Variants in TRPM2 observed in about 807,000 individuals in gnomAD.
The protein encoded by TRPM2 is estrogen-responsive element-associated gene 1 protein.
In TRPM2, 161 loss-of-function variants were observed where a neutral mutation model predicts 174.0. The ratio of observed to expected loss-of-function variants is 0.93; its 90% CI spans 0.81 to 1.05. The LOEUF (loss-of-function observed/expected upper bound fraction) is 1.05. Ranked by LOEUF, TRPM2 falls within the 50% of genes least tolerant of loss-of-function variation. The pLI is 0.00. For synonymous variants in TRPM2, 954 were observed against 861.3 expected, an observed-to-expected ratio of 1.11 and a Z score of -1.88; for missense variants, 2,057 against 2,038.0, an observed-to-expected ratio of 1.01 and a Z score of -0.18.
chr21:44,419,088 G>A (rs1308613783), intron 22 of TRPM2, among the ~76,000 whole-genome samples: 2 of 152,218 alleles, frequency 1.3e-5, no homozygotes, highest in African/African-American at 4.8e-5. Context: ...CAGGCCTTCC[G>A]CCCTGCTAGG....
At chr21:44,422,600 T>A (rs1368068744) in intron 22 of TRPM2, among the ~76,000 whole-genome samples, 1 of 152,190 alleles carries the variant, frequency 6.6e-6, no homozygotes, top group Non-Finnish European at 1.5e-5. Flanking sequence ...GAATATCACT[T>A]GCAGTGGGCG....
chr21:44,381,992 A>G (rs796332100), intron 8 of TRPM2, among the ~76,000 whole-genome samples: 2 of 142,884 alleles, frequency 1.4e-5, no homozygotes, highest in South Asian at 2.3e-4. Context: ...ATAGATAGAT[A>G]GATGGATGAT....
chr21:44,391,540 G>C lies in TRPM2; in HGVS notation c.1709G>C (p.Gly570Ala). ...GCCCAGGTGCTGCGGGAGCTGCTGG[G>C]GGACTTCACGCAGCCGCTTTATCCC... ...HVAQVLRELL[G>A]DFTQPLYPRP... is the part of the protein sequence containing the mutation. The change falls in exon 11 of 32, where the codon GGG becomes GCG. Residue 570 changes from glycine (G) to alanine (A), a missense_variant. Gly to Ala is a moderately conservative substitution (Grantham distance 60). Transcript: ENST00000397928. This position sits in a 1 kb window ranked among gnomAD's most constrained non-coding sequence, Gnocchi z 5.0. 1 of 1,602,990 alleles carries C rather than the reference G, an allele frequency of 6.2e-7. No individual in the cohort carries two copies. Among genetic ancestry groups the C allele is most frequent in the South Asian group, 1.1e-5 (1 of 90,948 alleles).
At chr21:44,384,890 T>A (rs751092566) in intron 9 of TRPM2, among the ~76,000 whole-genome samples, 38 of 152,312 alleles carry the variant, frequency 2.5e-4, no homozygotes, top group Non-Finnish European at 4.1e-4. Flanking sequence ...CACCAATCCT[T>A]CTCAAACTTT....
chr21:44,390,780 C>T, intron 9 of TRPM2, 124 bp from the exon 10 acceptor site: 1 of 1,347,038 alleles, frequency 7.4e-7, no homozygotes, highest in Non-Finnish European at 1.0e-6. Context: ...GGTGCTGCGC[C>T]TGTCACTTTG....
Position 44,395,420 on chromosome 21 carries a change from G to A in TRPM2, c.1801G>A (p.Gly601Arg). The part of the protein sequence containing the change: ...PVPHVKLNVQ[G>R]VSLRSLYKRS... ...ACAGTTCACTGCTCACCAGGTGCAG[G>A]GAGTGAGCCTCCGGTCCCTCTACAA... The change falls in exon 12 of 32, where the codon GGA becomes AGA. Residue 601 changes from glycine (G) to arginine (R), a missense_variant. Gly to Arg is a moderately radical substitution (Grantham distance 125). Transcript: ENST00000397928. 1.4e-5 allele frequency: 22 copies of A among 1,612,654 alleles called. No individual in the cohort carries two copies. Among genetic ancestry groups the A allele is most frequent in the Non-Finnish European group, 1.9e-5 (22 of 1,179,906 alleles).
chr21:44,439,314 G>GC lies in TRPM2; in HGVS notation c.4269+151dup. 1.5e-6 allele frequency: 1 copy of GC among 682,592 alleles called. No individual in the cohort carries two copies. Among genetic ancestry groups the GC allele is most frequent in the South Asian group, 1.7e-5 (1 of 58,294 alleles). The allele number at this position is 682,592 out of a possible 1,614,324, so 42.3% of individuals were successfully genotyped here. On this transcript the variant is annotated intron_variant, in intron 30 of 31. Transcript: ENST00000397928. The surrounding 1 kb of genome is among the most constrained non-coding windows in gnomAD (Gnocchi z 5.1). ...CCAGGTGACGGTGGTCCCAGCCCCT[G>GC]CCCCCACGTTGCACAGCTCCCAGAG...
chr21:44,392,739 C>A (rs1257871466), intron 11 of TRPM2, among the ~76,000 whole-genome samples: 1 of 152,118 alleles, frequency 6.6e-6, no homozygotes, highest in Non-Finnish European at 1.5e-5. Context: ...CCATAACATA[C>A]CCTTTCTAAA....
chr21:44,383,734 G>C (rs2146217282), intron 9 of TRPM2, among the ~76,000 whole-genome samples: 1 of 151,950 alleles, frequency 6.6e-6, no homozygotes, highest in Admixed American at 6.6e-5. Flanking sequence ...AATTCACAAA[G>C]TTGTGGAAAC....
At chr21:44,371,221 C>T (rs1274549491) in intron 5 of TRPM2, among the ~76,000 whole-genome samples, 7 of 151,632 alleles carry the variant, frequency 4.6e-5, no homozygotes, top group East Asian at 1.9e-4. Context: ...TCGCTGCCTC[C>T]GTGTCCCATG....
chr21:44,362,284 C>T (rs1051251887), intron 2 of TRPM2, among the ~76,000 whole-genome samples: 1 of 147,196 alleles, frequency 6.8e-6, no homozygotes, highest in African/African-American at 2.6e-5. Context: ...GTGGGCGGAT[C>T]ACGAGGTCAG....
intron 8 of TRPM2, 131 bp downstream of exon 8, chr21:44,379,328 T>C (rs1208541380): frequency 1.8e-5 from 19 of 1,074,580 alleles, no homozygotes; most frequent in Middle Eastern, 4.6e-4. Context: ...GCCAGAGCGA[T>C]TTGCAGAGGG....
chr21:44,354,527 AG>A lies in TRPM2; in HGVS notation c.166-119del, dbSNP rs2048000945. ...TCTAATCTTTGGCTCAGGGTCGCGC[AG>A]GCTTCCTTCCTTCAAGCAAATAGTG... On this transcript the variant is annotated intron_variant, in intron 1 of 31. Transcript: ENST00000397928. This position sits in a 1 kb window ranked among gnomAD's most constrained non-coding sequence, Gnocchi z 4.3. 1.2e-6 allele frequency: 1 copy of A among 826,240 alleles called. No homozygotes were observed. The highest frequency in any genetic ancestry group is 1.7e-5 in the African/African-American group (1 of 58,354). 51.2% of individuals were successfully genotyped at this position (826,240 alleles called of 1,614,324 possible). A position where few individuals can be genotyped will look rare whatever the true frequency, so the allele number is the denominator to read the frequency against.
intron 16 of TRPM2, 103 bp from the exon 17 acceptor site, chr21:44,405,039 G>T: frequency 6.7e-7 from 1 of 1,494,444 alleles, no homozygotes; most frequent in South Asian, 1.2e-5. Context: ...TGATGATAGT[G>T]ACAGTGACTG....
Position 44,414,098 on chromosome 21 carries a change from G to T in TRPM2, c.3146+24G>T, listed in dbSNP as rs376188494. ...AAGTGAGCGCCTGGGTGGGGCTGGC[G>T]TGCAGGTGGGTGGGTGGGCGGCGTT... is the stretch of plus-strand genomic sequence containing the variant. On this transcript the variant is annotated intron_variant, in intron 20 of 31. Transcript: ENST00000397928. 1.1e-4 allele frequency: 180 copies of T among 1,599,154 alleles called. 1 individual carries two copies. Among genetic ancestry groups the T allele is most frequent in the Non-Finnish European group, 1.4e-4 (166 of 1,171,722 alleles).
chr21:44,386,167 C>T (rs2049010194), intron 9 of TRPM2, among the ~76,000 whole-genome samples: 1 of 152,102 alleles, frequency 6.6e-6, no homozygotes, highest in Non-Finnish European at 1.5e-5. Flanking sequence ...GGGCGGATCA[C>T]GAGGTCAGGA....
intron 9 of TRPM2, 74 bp downstream of exon 9, chr21:44,382,894 T>C: frequency 7.2e-7 from 1 of 1,381,888 alleles, no homozygotes; most frequent in Admixed American, 2.0e-5. Context: ...AGTTCTAGTC[T>C]TGAAGTGCCA....
intron 5 of TRPM2, 29 bp from the exon 6 acceptor site, chr21:44,375,804 C>T (rs749079018): frequency 3.8e-6 from 6 of 1,590,330 alleles, no homozygotes; most frequent in Non-Finnish European, 5.2e-6. Context: ...TTTCCAGAAG[C>T]AGTGTCTGAC....
rs2050536778 is a variant in TRPM2 at position 44,421,196 on chromosome 21, T to C, written c.3462-2449T>C. 2.0e-5 allele frequency among the ~76,000 whole-genome samples: 3 copies of C among 152,096 alleles called. No homozygotes were observed. In the South Asian group the frequency reaches 6.2e-4, roughly 32 times the overall value. ...AGCCGGGTGTGGTGGCGTGCGCTTG[T>C]AATCCCAGCTACTTGGGAGGCTGAG... is the stretch of plus-strand genomic sequence containing the variant. On this transcript the variant is annotated intron_variant, in intron 22 of 31. Transcript: ENST00000397928.
Sources: gnomAD v4.1 joint callset for allele counts (sites outside exome capture counted in the v4.1 genomes callset) on GRCh38, gnomAD v4.1.1 for gene constraint, Gnocchi (gnomAD v3.1) non-coding constraint, MANE v1.5 for transcripts, NCBI Gene and HGNC (gene_info 2026-07-23, HGNC 2026-07-21) for gene names.